NRG2: variants seen among roughly 807,000 people sequenced by gnomAD.
The protein encoded by NRG2 is pro-neuregulin-2, membrane-bound isoform.
NRG2 carries 27 observed loss-of-function variants against 73.9 expected under a neutral mutation model. The observed-to-expected ratio is 0.37, with a 90% CI of 0.27 to 0.50. The LOEUF is 0.50. NRG2 is among the 20% of genes least tolerant of loss of function. The pLI is 0.96. For missense variants in NRG2, 1,126 were observed against 1,210.1 expected, an observed-to-expected ratio of 0.93 and a Z score of 1.03; for synonymous variants, 532 against 541.0, an observed-to-expected ratio of 0.98 and a Z score of 0.23.
At chr5:139,933,699 C>T (rs1157611422) in intron 1 of NRG2, among the ~76,000 whole-genome samples, 3 of 152,128 alleles carry the variant, frequency 2.0e-5, no homozygotes, top group Admixed American at 6.5e-5. Context: ...GACAAAATCT[C>T]AATAAGGATA....
chr5:140,028,449 G>C (rs1488924245), intron 1 of NRG2, among the ~76,000 whole-genome samples: 1 of 152,160 alleles, frequency 6.6e-6, no homozygotes, highest in African/African-American at 2.4e-5. Flanking sequence ...TGGTGTGGAG[G>C]ACAGATAACT....
intron 1 of NRG2, among the ~76,000 whole-genome samples, chr5:139,971,189 A>G (rs979662322): frequency 6.6e-6 from 1 of 152,120 alleles, no homozygotes; most frequent in Non-Finnish European, 1.5e-5. Context: ...TAGGCCCTTA[A>G]AGTTTCCCTG....
chr5:139,884,750 G>A (rs945617312), intron 2 of NRG2, among the ~76,000 whole-genome samples: 1 of 152,194 alleles, frequency 6.6e-6, no homozygotes, highest in Non-Finnish European at 1.5e-5. Flanking sequence ...TGAGCCTCTA[G>A]CAGAGTGCCT....
chr5:139,895,744 C>T (rs1581889955), intron 1 of NRG2, among the ~76,000 whole-genome samples: 1 of 152,236 alleles, frequency 6.6e-6, no homozygotes, highest in East Asian at 1.9e-4. Context: ...GGCCTCTGAC[C>T]ACTATCATCT....
At chr5:139,883,822 G>C (rs1763697933) in intron 2 of NRG2, among the ~76,000 whole-genome samples, 1 of 152,194 alleles carries the variant, frequency 6.6e-6, no homozygotes, top group South Asian at 2.1e-4. Flanking sequence ...GGGCAGAACA[G>C]GGAGAACAGG....
At position 139,852,858 on chromosome 5, in the gene NRG2, G is replaced by T. The variant is rs771409794; in HGVS notation, c.1416+46C>A. 1.9e-6 allele frequency: 3 copies of T among 1,610,142 alleles called. No homozygotes were observed. The highest frequency in any genetic ancestry group is 2.5e-6 in the Non-Finnish European group (3 of 1,179,130). ...CCTTGCAGGGGGCATGAGAAGGCTG[G>T]CTGTCCACTGAGGGCTCAGAAGGGG... is the stretch of plus-strand genomic sequence containing the variant. On this transcript the variant is annotated intron_variant, in intron 7 of 9. Coordinates refer to ENST00000361474, the MANE Select transcript of NRG2 (RefSeq NM_004883.3). This position sits in a 1 kb window ranked among gnomAD's most constrained non-coding sequence, Gnocchi z 4.4.
At chr5:139,864,204 C>T (rs1226646647) in intron 5 of NRG2, among the ~76,000 whole-genome samples, 1 of 152,078 alleles carries the variant, frequency 6.6e-6, no homozygotes, top group Non-Finnish European at 1.5e-5. Flanking sequence ...TGCAAGCCAG[C>T]GGACCCCTGG....
rs1442844710 is a variant in NRG2, at chr5:139,957,684, G to A, written c.701-70173C>T. On this transcript the variant is annotated intron_variant, in intron 1 of 9. Transcript: ENST00000361474. Reference sequence around the variant, plus strand: ...AGGCACTCACTGTCAAGAGCTGCAGGTGGTGACGTGCAGGTATCAGATCGA... The same window carrying A: ...AGGCACTCACTGTCAAGAGCTGCAGATGGTGACGTGCAGGTATCAGATCGA... Among the ~76,000 whole-genome samples the A allele has an allele frequency of 2.0e-5, 3 of 152,198 alleles. No homozygotes were observed. In the East Asian group the frequency reaches 5.8e-4, roughly 29 times the overall value.
In NRG2 at chr5:139,887,290, G is replaced by A. The variant is rs750674868; in HGVS notation, c.872+50C>T. On this transcript the variant is annotated intron_variant, in intron 2 of 9. Coordinates refer to ENST00000361474, the MANE Select transcript of NRG2 (RefSeq NM_004883.3). This position sits in a 1 kb window ranked among gnomAD's most constrained non-coding sequence, Gnocchi z 4.5. Reference sequence around the variant, plus strand: ...CCCAGTTCAGGCCACTCCTTCTCGAGAGGAGGGAGGGCAGCTGCTTGGATG... The same window carrying A: ...CCCAGTTCAGGCCACTCCTTCTCGAAAGGAGGGAGGGCAGCTGCTTGGATG... 2 of 1,599,974 alleles carry A rather than the reference G, an allele frequency of 1.3e-6. No homozygotes were observed.
chr5:140,034,551 T>G (rs1038944349), intron 1 of NRG2, among the ~76,000 whole-genome samples: 3 of 152,162 alleles, frequency 2.0e-5, no homozygotes, highest in African/African-American at 7.2e-5. Context: ...AAATGTCTTT[T>G]TTTCATTGAC....
At chr5:139,919,558 C>T (rs1262368496) in intron 1 of NRG2, among the ~76,000 whole-genome samples, 3 of 152,002 alleles carry the variant, frequency 2.0e-5, no homozygotes, top group Non-Finnish European at 4.4e-5. Context: ...GAACAGGGTT[C>T]TCTGAGCATC....
intron 1 of NRG2, among the ~76,000 whole-genome samples, chr5:139,992,010 T>G (rs1325515073): frequency 6.6e-6 from 1 of 152,134 alleles, no homozygotes; most frequent in Non-Finnish European, 1.5e-5. Context: ...CCTACTTTTC[T>G]TTTTTCAGTA....
intron 3 of NRG2, among the ~76,000 whole-genome samples, chr5:139,877,282 AG>A: frequency 6.6e-6 from 1 of 152,342 alleles, no homozygotes; most frequent in African/African-American, 2.4e-5. Context: ...ACTATAAGGA[AG>A]GCCTACTCTA....
chr5:139,998,298 T>C (rs1268952053), intron 1 of NRG2, among the ~76,000 whole-genome samples: 1 of 152,188 alleles, frequency 6.6e-6, no homozygotes, highest in African/African-American at 2.4e-5. Context: ...GGTCAGAATA[T>C]TGTTCTGAAC....
chr5:139,939,793 T>C (rs57862811), intron 1 of NRG2, among the ~76,000 whole-genome samples: 2,632 of 151,996 alleles, frequency 0.017, 96 homozygotes, highest in African/African-American at 0.061. Flanking sequence ...AAGAAAAAAG[T>C]CCATTCAAAA....
chr5:139,891,629 T>TA (rs35065387), intron 1 of NRG2, among the ~76,000 whole-genome samples: 19,383 of 145,714 alleles, frequency 0.13, 1,429 homozygotes, highest in Middle Eastern at 0.23. Flanking sequence ...ATGAGACAGT[T>TA]AAAAAAAAAA....
intron 1 of NRG2, among the ~76,000 whole-genome samples, chr5:139,941,756 A>G (rs984488786): frequency 1.3e-5 from 2 of 152,188 alleles, no homozygotes; most frequent in Non-Finnish European, 2.9e-5. Flanking sequence ...TTGCATCAAC[A>G]TTGGAATAAA....
rs1054002451 is a variant in NRG2 at position 139,868,534 on chromosome 5, G to C, written c.1113-2909C>G. Among the ~76,000 whole-genome samples the C allele has an allele frequency of 2.6e-5, 4 of 152,064 alleles. No homozygotes were observed. Among genetic ancestry groups the C allele is most frequent in the African/African-American group, 9.7e-5 (4 of 41,398 alleles). ...GGTCATCAGTTATGACTCTGGGGAA[G>C]GTCTGTCCCCAGGGCTGGAGAAGAG... On this transcript the variant is annotated intron_variant, in intron 4 of 9. Transcript: ENST00000361474. The surrounding 1 kb of genome is among the most constrained non-coding windows in gnomAD (Gnocchi z 4.2).
chr5:139,891,035 T>C (rs3863190), intron 1 of NRG2, among the ~76,000 whole-genome samples: 36,085 of 152,024 alleles, frequency 0.24, 5,349 homozygotes, highest in African/African-American at 0.42. Flanking sequence ...TCCCCTTACC[T>C]CACTTGGAGT....
Sources: gnomAD v4.1 joint callset for allele counts (sites outside exome capture counted in the v4.1 genomes callset) on GRCh38, gnomAD v4.1.1 for gene constraint, Gnocchi (gnomAD v3.1) non-coding constraint, MANE v1.5 for transcripts, NCBI Gene and HGNC (gene_info 2026-07-23, HGNC 2026-07-21) for gene names.